Variants in MGAT5 observed in about 807,000 individuals in gnomAD.
The protein encoded by MGAT5 is alpha-1,6-mannosylglycoprotein 6-beta-N-acetylglucosaminyltransferase.
MGAT5 carries 30 observed loss-of-function variants against 94.3 expected under a neutral mutation model. The ratio of observed to expected loss-of-function variants is 0.32; its 90% confidence interval spans 0.24 to 0.43. MGAT5 has a LOEUF of 0.43. Among genes scored for constraint, MGAT5 ranks in the 20% least tolerant of loss-of-function variants. MGAT5 has a pLI of 1.00. For missense variants in MGAT5, 691 were observed against 905.5 expected, an observed-to-expected ratio of 0.76 and a Z score of 3.04; for synonymous variants, 310 against 322.9, an observed-to-expected ratio of 0.96 and a Z score of 0.43.
intron 1 of MGAT5, among the ~76,000 whole-genome samples, chr2:134,162,593 A>C (rs10928484): frequency 0.17 from 26,459 of 152,200 alleles, 2,448 homozygotes; most frequent in South Asian, 0.23. Context: ...GAGTGACTTC[A>C]CTAAGGTCCC....
intron 1 of MGAT5, among the ~76,000 whole-genome samples, chr2:134,146,122 T>C (rs924110283): frequency 6.6e-6 from 1 of 152,180 alleles, no homozygotes; most frequent in Admixed American, 6.5e-5. Context: ...AATAACTCAT[T>C]CATTATGAGC....
intron 10 of MGAT5, among the ~76,000 whole-genome samples, chr2:134,368,637 T>G (rs1680583670): frequency 6.6e-6 from 1 of 152,228 alleles, no homozygotes; most frequent in South Asian, 2.1e-4. Flanking sequence ...CAGAGTGATC[T>G]TTTCTAAAAT....
At chr2:134,188,105 C>T (rs940652749) in intron 1 of MGAT5, among the ~76,000 whole-genome samples, 2 of 152,256 alleles carry the variant, frequency 1.3e-5, no homozygotes, top group Non-Finnish European at 1.5e-5. Context: ...GTTAACCTCC[C>T]TCAGTGCTGT....
At chr2:134,135,325 G>T (rs2104930564) in intron 1 of MGAT5, among the ~76,000 whole-genome samples, 1 of 150,686 alleles carries the variant, frequency 6.6e-6, no homozygotes, top group Non-Finnish European at 1.5e-5. Flanking sequence ...TAGGGGAAAT[G>T]AATTGTAAAG....
chr2:134,191,790 C>CCCT (rs1219581188), intron 1 of MGAT5, among the ~76,000 whole-genome samples: 1 of 136,392 alleles, frequency 7.3e-6, no homozygotes, highest in Non-Finnish European at 1.6e-5. Flanking sequence ...TGGTTTCGTG[C>CCCT]CCTCCTCCTC....
At chr2:134,241,024 T>G (rs190302217) in intron 1 of MGAT5, among the ~76,000 whole-genome samples, 10 of 152,254 alleles carry the variant, frequency 6.6e-5, no homozygotes, top group Admixed American at 6.5e-4. Context: ...TAGACAAAAA[T>G]TAAAATACAG....
intron 2 of MGAT5, among the ~76,000 whole-genome samples, chr2:134,303,510 AT>A (rs1291369837): frequency 1.3e-5 from 2 of 151,848 alleles, no homozygotes; most frequent in Non-Finnish European, 1.5e-5. Context: ...GTCTGTTTCC[AT>A]TTTTTTCCCT....
At chr2:134,240,412 G>T (rs551819758) in intron 1 of MGAT5, among the ~76,000 whole-genome samples, 2 of 150,100 alleles carry the variant, frequency 1.3e-5, no homozygotes, top group African/African-American at 4.9e-5. Flanking sequence ...ATGTATTTAC[G>T]TATATAATCT....
At chr2:134,219,820 A>G (rs1680668651) in intron 1 of MGAT5, among the ~76,000 whole-genome samples, 1 of 152,202 alleles carries the variant, frequency 6.6e-6, no homozygotes, top group South Asian at 2.1e-4. Context: ...ATTGGTTTCA[A>G]ATCTTGTTCC....
intron 1 of MGAT5, among the ~76,000 whole-genome samples, chr2:134,124,220 G>T (rs1685740465): frequency 6.6e-6 from 1 of 152,166 alleles, no homozygotes; most frequent in Non-Finnish European, 1.5e-5. Flanking sequence ...TGCCAAGGTG[G>T]GTCCCAGGAG....
At chr2:134,332,055 A>G (rs1558797610) in intron 4 of MGAT5, among the ~76,000 whole-genome samples, 1 of 152,072 alleles carries the variant, frequency 6.6e-6, no homozygotes, top group Non-Finnish European at 1.5e-5. Flanking sequence ...TCAAGCTACC[A>G]ATGACTTTCT....
At chr2:134,424,907 G>T (rs1684495071) in intron 13 of MGAT5, among the ~76,000 whole-genome samples, 1 of 152,154 alleles carries the variant, frequency 6.6e-6, no homozygotes, top group Admixed American at 6.5e-5. Flanking sequence ...TTTTATACAA[G>T]ATTAGGGCCC....
At chr2:134,189,745 G>A (rs561270889) in intron 1 of MGAT5, among the ~76,000 whole-genome samples, 2 of 151,838 alleles carry the variant, frequency 1.3e-5, no homozygotes, top group South Asian at 4.2e-4. Context: ...GGGACTACAG[G>A]TGCCTGCCAG....
chr2:134,279,572 G>A (rs1684574897), intron 2 of MGAT5, among the ~76,000 whole-genome samples: 1 of 152,236 alleles, frequency 6.6e-6, no homozygotes, highest in Admixed American at 6.5e-5. Flanking sequence ...TATCCCTGTC[G>A]GGAATAATGT....
intron 1 of MGAT5, among the ~76,000 whole-genome samples, chr2:134,121,781 G>A (rs1685604100): frequency 6.6e-6 from 1 of 152,144 alleles, no homozygotes; most frequent in Non-Finnish European, 1.5e-5. Flanking sequence ...TGGGAAGCTG[G>A]GTCGTTGAAC....
chr2:134,180,814 G>A (rs1688700393), intron 1 of MGAT5, among the ~76,000 whole-genome samples: 1 of 152,144 alleles, frequency 6.6e-6, no homozygotes, highest in Admixed American at 6.5e-5. Context: ...TCTGTAAAAT[G>A]CCCATTTCCA....
chr2:134,422,432 T>C (rs957774643), intron 12 of MGAT5, among the ~76,000 whole-genome samples: 1 of 152,206 alleles, frequency 6.6e-6, no homozygotes, highest in African/African-American at 2.4e-5. Context: ...TAATTGTCTA[T>C]GCTGACCTTT....
intron 15 of MGAT5, among the ~76,000 whole-genome samples, chr2:134,447,928 C>G (rs1685882914): frequency 6.6e-6 from 1 of 152,210 alleles, no homozygotes; most frequent in South Asian, 2.1e-4. Context: ...AGTTCACCTT[C>G]CTCTAACTGG....
chr2:134,294,861 C>T (rs1031582862), intron 2 of MGAT5, among the ~76,000 whole-genome samples: 3 of 152,114 alleles, frequency 2.0e-5, no homozygotes, highest in African/African-American at 7.2e-5. Flanking sequence ...CTTTGTTCTC[C>T]TCTGCCTTTG....
Sources: allele counts gnomAD v4.1 joint callset (sites outside exome capture counted in the v4.1 genomes callset), GRCh38; gene constraint gnomAD v4.1.1; transcripts MANE v1.5; gene names NCBI Gene and HGNC (gene_info 2026-07-23, HGNC 2026-07-21).